The following ZFP90 variants were observed in gnomAD, a reference collection of about 807,000 sequenced individuals.
The protein encoded by ZFP90 is zinc finger protein 90 homolog.
In ZFP90, 38 loss-of-function variants were observed where a neutral mutation model predicts 60.8. That is an observed-to-expected ratio of 0.62 (90% CI 0.48 to 0.82). The LOEUF (loss-of-function observed/expected upper bound fraction) is 0.82, where lower values mean the gene tolerates loss of function less well. ZFP90 is among the 40% of genes least tolerant of loss of function. The probability of loss-of-function intolerance (pLI) is 0.00; values close to 1 mark genes in which losing one functional copy is unlikely to be tolerated. For missense variants in ZFP90, 711 were observed against 759.1 expected (o/e 0.94, Z 0.74); for synonymous variants, 287 against 264.8 (o/e 1.08, Z -0.82).
intron 2 of ZFP90, among the ~76,000 whole-genome samples, chr16:68,572,986 T>G (rs1288929130): frequency 1.3e-5 from 2 of 152,222 alleles, no homozygotes; most frequent in East Asian, 1.9e-4. Context: ...CCATCTGTTT[T>G]CCTTGACATC....
chr16:68,567,249 T>C (rs1460359368), downstream of ZFP90: 1 of 735,708 alleles, frequency 1.4e-6, no homozygotes, highest in African/African-American at 1.9e-5. Flanking sequence ...ATAGCTACCA[T>C]TTATTGAATG....
At chr16:68,539,230 T>C (rs201477114), upstream of ZFP90, 1 of 152,676 alleles carries the variant, frequency 6.5e-6, no homozygotes, top group Non-Finnish European at 1.5e-5. Context: ...CTGGGAAGTG[T>C]AGTTCGCGCG....
chr16:68,563,719 A>G lies in ZFP90; in HGVS notation c.932A>G (p.Gln311Arg), dbSNP rs2091472274. 7 of 1,614,156 alleles carry G rather than the reference A, an allele frequency of 4.3e-6. No individual in the cohort carries two copies. The highest frequency in any genetic ancestry group is 2.2e-5 in the East Asian group (1 of 44,882). ...ENAHTGEKPY[Q>R]CSLCGKAFQR... Reference sequence around the variant, plus strand: ...GCTCATACCGGAGAGAAACCCTATCAGTGTAGTCTCTGTGGGAAAGCCTTC... The same window carrying G: ...GCTCATACCGGAGAGAAACCCTATCGGTGTAGTCTCTGTGGGAAAGCCTTC... The change falls in exon 5 of 5, where the codon CAG becomes CGG. Residue 311 changes from glutamine (Q) to arginine (R), a missense_variant. By Grantham distance (43) the Gln-to-Arg change is conservative. Coordinates refer to ENST00000563169, the MANE Select transcript of ZFP90 (RefSeq NM_001305203.2).
At chr16:68,551,204 G>A (rs1448032210) in intron 2 of ZFP90, among the ~76,000 whole-genome samples, 1 of 152,044 alleles carries the variant, frequency 6.6e-6, no homozygotes, top group South Asian at 2.1e-4. Flanking sequence ...TGTAGTTCAG[G>A]GAACTCATGT....
intron 2 of ZFP90, among the ~76,000 whole-genome samples, chr16:68,573,230 G>T (rs1239144668): frequency 6.6e-6 from 1 of 152,210 alleles, no homozygotes; most frequent in African/African-American, 2.4e-5. Flanking sequence ...CTTGAGACTG[G>T]TTAGAGGCAA....
intron 2 of ZFP90, 92 bp from the exon 3 acceptor site, chr16:68,557,906 C>T: frequency 6.5e-7 from 1 of 1,541,786 alleles, no homozygotes; most frequent in Non-Finnish European, 8.9e-7. Context: ...TGTGTGATCA[C>T]CACTTCTGAT....
chr16:68,542,155 G>A (rs1164825377), intron 2 of ZFP90, among the ~76,000 whole-genome samples: 16 of 152,196 alleles, frequency 1.1e-4, no homozygotes, highest in Admixed American at 9.8e-4. Context: ...TTTAGTGGGA[G>A]CAGACAGTCT....
At chr16:68,540,020 G>C (rs1250669997) in intron 2 of ZFP90, among the ~76,000 whole-genome samples, 195 bp downstream of exon 2, 1 of 152,250 alleles carries the variant, frequency 6.6e-6, no homozygotes, top group African/African-American at 2.4e-5. Context: ...CTGTGGGGTA[G>C]AGAGGGCCAG....
At chr16:68,570,167 T>C (rs1183066217), downstream of ZFP90, among the ~76,000 whole-genome samples, 1 of 152,184 alleles carries the variant, frequency 6.6e-6, no homozygotes, top group African/African-American at 2.4e-5. Context: ...CTAATTCCTC[T>C]TCTTCCATTC....
chr16:68,554,972 A>T (rs1413926921), intron 2 of ZFP90: 1 of 152,012 alleles, frequency 6.6e-6, no homozygotes, highest in African/African-American at 2.4e-5. Context: ...GGCTGGTCCA[A>T]CCCCTTTATC....
chr16:68,573,451 C>G (rs2091578082), intron 2 of ZFP90, among the ~76,000 whole-genome samples: 1 of 152,200 alleles, frequency 6.6e-6, no homozygotes, highest in South Asian at 2.1e-4. Context: ...GCACCCCAGC[C>G]TGGGTGACAC....
rs1258430230 is a variant in ZFP90 at position 68,574,943 on chromosome 16, G to A, written c.224-848G>A. On this transcript the variant is annotated intron_variant, in intron 2 of 2. Coordinates refer to the ZFP90 transcript ENST00000573113. The stretch of plus-strand genomic sequence containing the variant: ...CCCTGTCTCAAAAAAAAAAAAAAAA[G>A]TGGAAAAAAAAAGAGACACTGTGAA... Among the ~76,000 whole-genome samples the A allele has an allele frequency of 2.4e-4, 16 of 67,282 alleles. 1 individual carries two copies. The highest frequency in any genetic ancestry group is 1.3e-3 in the South Asian group (3 of 2,292). The allele number at this position is 67,282 out of a possible 152,430, so 44.1% of individuals were successfully genotyped here.
At chr16:68,537,618 T>C (rs1051742207), upstream of ZFP90, among the ~76,000 whole-genome samples, 2 of 152,182 alleles carry the variant, frequency 1.3e-5, no homozygotes, top group Middle Eastern at 3.2e-3. Flanking sequence ...CAGGTCGGAG[T>C]GCTGTGGTGA....
Position 68,564,855 on chromosome 16 carries a change from AC to A in ZFP90, c.*158del. On this transcript the variant is annotated 3_prime_UTR_variant, in exon 5 of 5. Transcript: ENST00000563169. ...CCAGTAGACAGATTTTTTTTTTTTAACATAAAGACACATTCTCAGATCTGAT... is the reference window on the plus strand; with the variant it reads ...CCAGTAGACAGATTTTTTTTTTTTAAATAAAGACACATTCTCAGATCTGAT... 1.2e-6 allele frequency: 1 copy of A among 859,186 alleles called. No homozygotes were observed. The highest frequency in any genetic ancestry group is 2.1e-5 in the South Asian group (1 of 48,448). The allele number at this position is 859,186 out of a possible 1,614,324, so 53.2% of individuals were successfully genotyped here.
chr16:68,566,898 G>A lies in ZFP90; in HGVS notation c.*2200G>A. On this transcript the variant is annotated 3_prime_UTR_variant, in exon 5 of 5. Transcript: ENST00000563169. ...TTAGTTCCAGAAGACCCAAAGGAGAGTACTGGTTTGTGTTTGGTGCTTGGC... is the reference window on the plus strand; with the variant it reads ...TTAGTTCCAGAAGACCCAAAGGAGAATACTGGTTTGTGTTTGGTGCTTGGC... The A allele has an allele frequency of 1.0e-6, 1 of 985,600 alleles. No individual in the cohort carries two copies. The highest frequency in any genetic ancestry group is 4.7e-5 in the South Asian group (1 of 21,284). The allele number at this position is 985,600 out of a possible 1,614,324, so 61.1% of individuals were successfully genotyped here.
rs2091465357 is a variant in ZFP90, at chr16:68,563,329, G to A, written c.542G>A (p.Arg181Lys). ...VTQLNIPARI[R>K]PSECETLGSN... ...CAACTGAACATTCCTGCAAGAATAA[G>A]GCCTAGTGAATGTGAGACCCTTGGA... is the stretch of plus-strand genomic sequence containing the variant. Residue 181 changes from arginine to lysine, a missense_variant, in exon 5 of 5, where the codon AGG (arginine) becomes AAG (lysine). Physicochemically the swap from Arg to Lys is conservative, Grantham distance 26 (BLOSUM62 2). Transcript: ENST00000563169. The A allele has an allele frequency of 6.2e-7, 1 of 1,614,024 alleles. No homozygotes were observed. Among genetic ancestry groups the A allele is most frequent in the African/African-American group, 1.3e-5 (1 of 74,914 alleles).
chr16:68,558,057 C>G lies in ZFP90; in HGVS notation c.93C>G (p.Val31=), dbSNP rs376978594. 2 of 1,613,726 alleles carry G rather than the reference C, an allele frequency of 1.2e-6. No individual in the cohort carries two copies. The highest frequency in any genetic ancestry group is 1.7e-6 in the Non-Finnish European group (2 of 1,179,974). The change falls in exon 3 of 5, where the codon GTC becomes GTG. Residue 31 remains valine (V), a synonymous_variant. Transcript: ENST00000563169. ...VDFTQEEWYH[V]DPAQRSLYRD... ...TCACCCAGGAAGAATGGTACCATGTCGACCCTGCTCAGAGGAGCTTATACA... is the reference window on the plus strand; with the variant it reads ...TCACCCAGGAAGAATGGTACCATGTGGACCCTGCTCAGAGGAGCTTATACA...
intron 2 of ZFP90, among the ~76,000 whole-genome samples, chr16:68,547,741 A>G (rs1466091401): frequency 3.3e-5 from 5 of 152,072 alleles, no homozygotes; most frequent in Admixed American, 3.3e-4. Flanking sequence ...GAGAACATTT[A>G]GGTTGTTTCT....
intron 2 of ZFP90, chr16:68,557,127 G>A: frequency 2.2e-6 from 1 of 450,438 alleles, no homozygotes; most frequent in Non-Finnish European, 4.5e-6. Context: ...AGCTGGGACT[G>A]TAGGCACACA....
Sources: allele counts gnomAD v4.1 joint callset (sites outside exome capture counted in the v4.1 genomes callset), GRCh38; gene constraint gnomAD v4.1.1; transcripts MANE v1.5; gene names NCBI Gene and HGNC (gene_info 2026-07-23, HGNC 2026-07-21).